The following ANGPTL4 variants were observed in gnomAD, a reference collection of about 807,000 sequenced individuals.
ANGPTL4 encodes the protein angiopoietin-related protein 4.
A neutral mutation model predicts 39.2 loss-of-function variants in ANGPTL4; 39 were observed. That is an observed-to-expected ratio of 1.00 (90% CI 0.77 to 1.30). The LOEUF is 1.30. ANGPTL4 is among the 50% of genes most tolerant of loss of function. ANGPTL4 has a pLI of 0.00. For synonymous variants in ANGPTL4, 233 were observed against 229.5 expected, an observed-to-expected ratio of 1.02 and a Z score of -0.14; for missense variants, 545 against 549.8, an observed-to-expected ratio of 0.99 and a Z score of 0.09.
In ANGPTL4 at chr19:8,366,336, C is replaced by G. The variant is rs1461554421; in HGVS notation, c.547+17C>G. 6.2e-7 allele frequency: 1 copy of G among 1,611,062 alleles called. No homozygotes were observed. Among genetic ancestry groups the G allele is most frequent in the African/African-American group, 1.3e-5 (1 of 74,856 alleles). Reference sequence around the variant, plus strand: ...GCCTGCACCGTGAGTGTCTGCCCCTCGATGCTCTCCGGTGGCCACCCCTAC... The same window carrying G: ...GCCTGCACCGTGAGTGTCTGCCCCTGGATGCTCTCCGGTGGCCACCCCTAC... On this transcript the variant is annotated intron_variant, in intron 3 of 6. Transcript: ENST00000301455.
chr19:8,373,382 A>C lies in ANGPTL4; in HGVS notation c.1040-323A>C, dbSNP rs1444834592. Among the ~76,000 whole-genome samples, 7 of 150,236 alleles carry C rather than the reference A, an allele frequency of 4.7e-5. 1 individual carries two copies. Among genetic ancestry groups the C allele is most frequent in the Admixed American group, 6.6e-5 (1 of 15,106 alleles). The stretch of plus-strand genomic sequence containing the variant: ...TTGTGCCACTGCACTCCAGCCTGGG[A>C]GATAGAGTGAGACTCAGTCTCAAAA... On this transcript the variant is annotated intron_variant, in intron 6 of 6. Coordinates refer to ENST00000301455, the MANE Select transcript of ANGPTL4 (RefSeq NM_139314.3).
At position 8,371,388 on chromosome 19, in the gene ANGPTL4, T is replaced by C; in HGVS notation, c.905T>C (p.Leu302Pro). 1 of 1,613,556 alleles carries C rather than the reference T, an allele frequency of 6.2e-7. No homozygotes were observed. Among genetic ancestry groups the C allele is most frequent in the Non-Finnish European group, 8.5e-7 (1 of 1,180,004 alleles). Residue 302 changes from leucine to proline, a missense_variant, in exon 6 of 7, where the codon CTG becomes CCG. By Grantham distance (98) the Leu-to-Pro change is moderately conservative. Coordinates refer to ENST00000301455, the MANE Select transcript of ANGPTL4 (RefSeq NM_139314.3). The surrounding 1 kb of genome is among the most constrained non-coding windows in gnomAD (Gnocchi z 5.1). ...HLGGEDTAYS[L>P]QLTAPVAGQL... ...GGTGGCGAGGACACGGCCTATAGCC[T>C]GCAGCTCACTGCACCCGTGGCCGGC...
chr19:8,373,955 C>T lies in ANGPTL4; in HGVS notation c.*69C>T, dbSNP rs1414703312. On this transcript the variant is annotated 3_prime_UTR_variant, in exon 7 of 7. Transcript: ENST00000301455. Reference sequence around the variant, plus strand: ...TCTTGGCTCTGCCCGAGGATGTGGCCGTTCCCTGCCTGGGCAGGGGCTCCA... The same window carrying T: ...TCTTGGCTCTGCCCGAGGATGTGGCTGTTCCCTGCCTGGGCAGGGGCTCCA... The T allele has an allele frequency of 1.3e-5, 21 of 1,557,454 alleles. No homozygotes were observed. Among genetic ancestry groups the T allele is most frequent in the Non-Finnish European group, 1.7e-5 (19 of 1,136,302 alleles).
In ANGPTL4 at chr19:8,366,214, G is replaced by C; in HGVS notation, c.442G>C (p.Asp148His). 6.2e-7 allele frequency: 1 copy of C among 1,614,104 alleles called. No individual in the cohort carries two copies. Residue 148 changes from aspartate to histidine, a missense_variant, in exon 3 of 7, where the codon GAC (aspartate) becomes CAC (histidine). Asp to His is a moderately conservative substitution (Grantham distance 81). Transcript: ENST00000301455. ...CGTCCCATCCTAGTTTGGCCTCCTG[G>C]ACCACAAGCACCTAGACCATGAGGT... ...QHLQSQFGLLDHKHLDHEVAK... is the reference protein window; with the variant it reads ...QHLQSQFGLLHHKHLDHEVAK...
chr19:8,368,687 G>A (rs1409940892), intron 3 of ANGPTL4, among the ~76,000 whole-genome samples: 17 of 152,218 alleles, frequency 1.1e-4, no homozygotes, highest in Admixed American at 9.2e-4. Context: ...TGAAACCCCC[G>A]TCTCTACAAA....
chr19:8,368,059 C>T (rs1033140198), intron 3 of ANGPTL4, among the ~76,000 whole-genome samples: 4 of 145,992 alleles, frequency 2.7e-5, no homozygotes, highest in Non-Finnish European at 6.0e-5. Flanking sequence ...CACTCTGTCA[C>T]CCAGGTTGGA....
intron 3 of ANGPTL4, among the ~76,000 whole-genome samples, chr19:8,368,668 C>T (rs1971053654): frequency 6.6e-6 from 1 of 152,094 alleles, no homozygotes; most frequent in South Asian, 2.1e-4. Flanking sequence ...ACCAGTCTGG[C>T]CAACATGGTG....
chr19:8,366,294 G>A lies in ANGPTL4; in HGVS notation c.522G>A (p.Pro174=), dbSNP rs377280817. ...CCGAGATGGCCCAGCCAGTTGACCC[G>A]GCTCACAATGTCAGCCGCCTGCACC... ...RLPEMAQPVD[P]AHNVSRLHRL... is the part of the protein sequence containing the mutation. The change falls in exon 3 of 7, where the codon CCG becomes CCA. Residue 174 remains proline, a synonymous_variant. Transcript: ENST00000301455. 1.2e-5 allele frequency: 20 copies of A among 1,613,660 alleles called. No individual in the cohort carries two copies. Among genetic ancestry groups the A allele is most frequent in the Admixed American group, 6.7e-5 (4 of 59,980 alleles).
rs565612903 is a variant in ANGPTL4, at chr19:8,366,424, G to T, written c.547+105G>T. ...TCCACCTTAAGGAGAAGATGTCCTG[G>T]CCTGGAGTCCCTGAGGGCTCACCAG... On this transcript the variant is annotated intron_variant, in intron 3 of 6. Transcript: ENST00000301455. 1.2e-4 allele frequency: 158 copies of T among 1,278,410 alleles called. No individual in the cohort carries two copies. In the East Asian group the frequency reaches 3.7e-3, roughly 30 times the overall value. The allele number at this position is 1,278,410 out of a possible 1,614,324, so 79.2% of individuals were successfully genotyped here. A position where few individuals can be genotyped will look rare whatever the true frequency, so the allele number is the denominator to read the frequency against.
chr19:8,367,277 G>A (rs1971025684), intron 3 of ANGPTL4, among the ~76,000 whole-genome samples: 1 of 152,004 alleles, frequency 6.6e-6, no homozygotes, highest in Non-Finnish European at 1.5e-5. Context: ...CACCATCCCA[G>A]GATGAGGGGC....
chr19:8,368,303 G>A (rs539338202), intron 3 of ANGPTL4, among the ~76,000 whole-genome samples: 12 of 151,992 alleles, frequency 7.9e-5, no homozygotes, highest in Admixed American at 4.6e-4. Flanking sequence ...CACTGCGCCC[G>A]GCCCATTCCT....
chr19:8,366,774 C>A (rs182667386), intron 3 of ANGPTL4, among the ~76,000 whole-genome samples: 92 of 151,952 alleles, frequency 6.1e-4, no homozygotes, highest in African/African-American at 1.9e-3. Context: ...GGGCTGGGAA[C>A]CCCCAGCTCC....
Position 8,373,289 on chromosome 19 carries a change from C to T in ANGPTL4, c.1040-416C>T, listed in dbSNP as rs181509171. 1.9e-3 allele frequency among the ~76,000 whole-genome samples: 286 copies of T among 152,026 alleles called. 3 individuals carry two copies. Among genetic ancestry groups the T allele is most frequent in the Middle Eastern group, 0.01 (3 of 292 alleles). On this transcript the variant is annotated intron_variant, in intron 6 of 6. Transcript: ENST00000301455. The stretch of plus-strand genomic sequence containing the variant: ...GCGTGGTGGCGGGTGCCTGTAATCC[C>T]GGCTACTCAGGAGGCTGAGGCATGA...
At position 8,366,328 on chromosome 19, in the gene ANGPTL4, C is replaced by T. The variant is rs1450065801; in HGVS notation, c.547+9C>T. 2.5e-6 allele frequency: 4 copies of T among 1,612,544 alleles called. No individual in the cohort carries two copies. Among genetic ancestry groups the T allele is most frequent in the Admixed American group, 3.3e-5 (2 of 59,984 alleles). ...TGTCAGCCGCCTGCACCGTGAGTGTCTGCCCCTCGATGCTCTCCGGTGGCC... is the reference window on the plus strand; with the variant it reads ...TGTCAGCCGCCTGCACCGTGAGTGTTTGCCCCTCGATGCTCTCCGGTGGCC... On this transcript the variant is annotated intron_variant, in intron 3 of 6. Coordinates refer to ENST00000301455, the MANE Select transcript of ANGPTL4 (RefSeq NM_139314.3).
At chr19:8,366,817 C>T (rs1971015565) in intron 3 of ANGPTL4, among the ~76,000 whole-genome samples, 1 of 151,984 alleles carries the variant, frequency 6.6e-6, no homozygotes, top group South Asian at 2.1e-4. Context: ...CTTACAAATC[C>T]AATGCTCCAG....
At chr19:8,366,877 C>T (rs1971016898) in intron 3 of ANGPTL4, among the ~76,000 whole-genome samples, 1 of 151,776 alleles carries the variant, frequency 6.6e-6, no homozygotes, top group Non-Finnish European at 1.5e-5. Context: ...CCTCCCTCCC[C>T]GCCCCCGCCG....
intron 4 of ANGPTL4, among the ~76,000 whole-genome samples, chr19:8,370,727 C>CT (rs1215470635): frequency 4.1e-5 from 6 of 146,774 alleles, no homozygotes; most frequent in South Asian, 2.2e-4. Flanking sequence ...AAAAAGAAAG[C>CT]TTTTTTTTCC....
intron 4 of ANGPTL4, 73 bp downstream of exon 4, chr19:8,369,405 A>G (rs1203758278): frequency 1.7e-6 from 2 of 1,206,610 alleles, no homozygotes; most frequent in East Asian, 4.9e-5. Context: ...TGAAAACAAA[A>G]CAAAACAAAA....
At chr19:8,369,132 C>A (rs917925314) in intron 3 of ANGPTL4, 87 bp from the exon 4 acceptor site, 1 of 1,044,146 alleles carries the variant, frequency 9.6e-7, no homozygotes, top group Non-Finnish European at 1.4e-6. Flanking sequence ...TGGTCATCCA[C>A]TGTTAAGCCC....
Sources: gnomAD v4.1 joint callset for allele counts (sites outside exome capture counted in the v4.1 genomes callset) on GRCh38, gnomAD v4.1.1 for gene constraint, Gnocchi (gnomAD v3.1) non-coding constraint, MANE v1.5 for transcripts, NCBI Gene and HGNC (gene_info 2026-07-23, HGNC 2026-07-21) for gene names.